Variants in DCAF12 observed in about 807,000 individuals in gnomAD.
DCAF12 encodes DDB1 and CUL4 associated factor 12, also known as DDB1- and CUL4-associated factor 12.
DCAF12 carries 28 observed loss-of-function variants against 52.8 expected under a neutral mutation model. The ratio of observed to expected loss-of-function variants is 0.53; its 90% CI spans 0.39 to 0.73. The LOEUF is 0.73. Ranked by LOEUF, DCAF12 falls within the 30% of genes least tolerant of loss-of-function variation. The probability of loss-of-function intolerance (pLI) is 0.00; values close to 1 mark genes in which losing one functional copy is unlikely to be tolerated. For synonymous variants in DCAF12, 196 were observed against 215.5 expected, an observed-to-expected ratio of 0.91 and a Z score of 0.79; for missense variants, 425 against 552.2, an observed-to-expected ratio of 0.77 and a Z score of 2.31.
chr9:34,096,763 G>A lies in DCAF12; in HGVS notation c.814C>T (p.Leu272=). The A allele has an allele frequency of 6.2e-7, 1 of 1,614,016 alleles. No homozygotes were observed. Among genetic ancestry groups the A allele is most frequent in the Non-Finnish European group, 8.5e-7 (1 of 1,179,986 alleles). The change falls in exon 6 of 9, where the codon CTG becomes TTG. Residue 272 remains leucine (L), a synonymous_variant. Transcript: ENST00000361264. ...TTCCAGAGATGAAAGTAGCCATCCA[G>A]AGACACTGCTCCCAGTTCCTACAAG... The part of the protein sequence containing the change: ...NKNKELGAVS[L]DGYFHLWKAE...
At chr9:34,126,294 C>A in intron 1 of DCAF12, 60 bp downstream of exon 1, 2 of 1,592,124 alleles carry the variant, frequency 1.3e-6, no homozygotes, top group Non-Finnish European at 1.7e-6. Flanking sequence ...GATCTGCGGA[C>A]CCTAAGCCCA....
intron 4 of DCAF12, among the ~76,000 whole-genome samples, chr9:34,102,065 G>A (rs149489909): frequency 1.0e-3 from 158 of 151,338 alleles, no homozygotes; most frequent in African/African-American, 2.7e-3. Flanking sequence ...GGGTACAGTG[G>A]TATATGCCTT....
At chr9:34,094,826 G>A (rs757465556) in intron 6 of DCAF12, among the ~76,000 whole-genome samples, 7 of 152,070 alleles carry the variant, frequency 4.6e-5, no homozygotes, top group South Asian at 4.2e-4. Context: ...CACCGCACCC[G>A]GCCCCGATTT....
intron 7 of DCAF12, among the ~76,000 whole-genome samples, chr9:34,090,937 C>A (rs1418261953): frequency 4.6e-5 from 7 of 152,096 alleles, no homozygotes; most frequent in Admixed American, 4.6e-4. Flanking sequence ...GGATTACAGG[C>A]ATCAGCCACC....
chr9:34,117,427 G>T (rs970921136), intron 2 of DCAF12, among the ~76,000 whole-genome samples: 10 of 151,856 alleles, frequency 6.6e-5, no homozygotes, highest in African/African-American at 2.2e-4. Context: ...TGGCATTACA[G>T]GTGTGAGCCA....
chr9:34,105,409 G>A (rs1689994655), intron 4 of DCAF12, among the ~76,000 whole-genome samples: 1 of 151,116 alleles, frequency 6.6e-6, no homozygotes, highest in Non-Finnish European at 1.5e-5. Context: ...CTGGGTGACA[G>A]AGCAAGACCC....
Position 34,106,318 on chromosome 9 carries a change from T to C in DCAF12, c.601+116A>G, listed in dbSNP as rs1045697780. The C allele has an allele frequency of 7.6e-6, 6 of 791,002 alleles. 1 individual carries two copies. Among genetic ancestry groups the C allele is most frequent in the South Asian group, 7.0e-5 (4 of 56,952 alleles). 49.0% of individuals were successfully genotyped at this position (791,002 alleles called of 1,614,324 possible). A position where few individuals can be genotyped will look rare whatever the true frequency, so the allele number is the denominator to read the frequency against. On this transcript the variant is annotated intron_variant, in intron 4 of 8. Coordinates refer to ENST00000361264, the MANE Select transcript of DCAF12 (RefSeq NM_015397.4). ...TCAGCCTCCCAAAGTGCTGGGATTA[T>C]AGGCGTGAGTCACTGAGCCCGGCTG... is the stretch of plus-strand genomic sequence containing the variant.
rs987352605 is a variant in DCAF12, at chr9:34,099,881, T to G, written c.602-1364A>C. The stretch of plus-strand genomic sequence containing the variant: ...TGCTGGGATTACAGGCATAAGCCAG[T>G]GCACCTGGCCAAAGCTTAGTAATTT... On this transcript the variant is annotated intron_variant, in intron 4 of 8. Coordinates refer to ENST00000361264, the MANE Select transcript of DCAF12 (RefSeq NM_015397.4). Among the ~76,000 whole-genome samples, 10 of 152,152 alleles carry G rather than the reference T, an allele frequency of 6.6e-5. No individual in the cohort carries two copies. In the Middle Eastern group the frequency reaches 0.01, roughly 155 times the overall value.
chr9:34,100,580 C>T (rs1828813515), intron 4 of DCAF12, among the ~76,000 whole-genome samples: 1 of 151,082 alleles, frequency 6.6e-6, no homozygotes, highest in African/African-American at 2.4e-5. Flanking sequence ...TCCCAACCTC[C>T]ACCTCCTGAG....
intron 7 of DCAF12, 55 bp from the exon 8 acceptor site, chr9:34,089,645 T>G (rs748903747): frequency 6.6e-7 from 1 of 1,509,962 alleles, no homozygotes; most frequent in Non-Finnish European, 8.9e-7. Context: ...TTGCTGACTG[T>G]CTGCTAGCCT....
Position 34,120,059 on chromosome 9 carries a change from C to T in DCAF12, c.333+4964G>A, listed in dbSNP as rs558352932. 1.1e-4 allele frequency among the ~76,000 whole-genome samples: 17 copies of T among 151,450 alleles called. No individual in the cohort carries two copies. The East Asian group carries it at 2.3e-3, about 21-fold the overall frequency. ...TCTACTAAAAAACAAAAAAATTAGC[C>T]GGGCTTGGTGGTGGGCGCCTATAAT... On this transcript the variant is annotated intron_variant, in intron 2 of 8. Coordinates refer to ENST00000361264, the MANE Select transcript of DCAF12 (RefSeq NM_015397.4).
chr9:34,110,819 C>G (rs185064139), intron 2 of DCAF12, among the ~76,000 whole-genome samples: 2 of 138,674 alleles, frequency 1.4e-5, no homozygotes, highest in East Asian at 4.0e-4. Context: ...AACCAAGAGT[C>G]TCCTCAGTCC....
At chr9:34,101,758 T>C (rs1828833111) in intron 4 of DCAF12, among the ~76,000 whole-genome samples, 2 of 152,022 alleles carry the variant, frequency 1.3e-5, no homozygotes, top group East Asian at 3.9e-4. Flanking sequence ...CTCACACCTG[T>C]AATCCCAGCA....
chr9:34,109,520 C>G (rs1472764215), intron 2 of DCAF12: 1 of 153,838 alleles, frequency 6.5e-6, no homozygotes, highest in Non-Finnish European at 1.5e-5. Context: ...TATCCACCTC[C>G]TCCGTGCACG....
intron 4 of DCAF12, among the ~76,000 whole-genome samples, chr9:34,102,577 C>T (rs1828845874): frequency 6.6e-6 from 1 of 151,642 alleles, no homozygotes; most frequent in Non-Finnish European, 1.5e-5. Flanking sequence ...TGCTTGAACC[C>T]AGGAGACGGA....
intron 1 of DCAF12, 26 bp downstream of exon 1, chr9:34,126,328 C>T (rs754618279): frequency 6.2e-7 from 1 of 1,611,206 alleles, no homozygotes; most frequent in South Asian, 1.1e-5. Context: ...GCCTCACCAC[C>T]CAGGTGCCGG....
Position 34,093,492 on chromosome 9 carries a change from G to A in DCAF12, c.862-44C>T, listed in dbSNP as rs753046982. The A allele has an allele frequency of 1.0e-5, 16 of 1,601,944 alleles. No homozygotes were observed. The East Asian group carries it at 3.4e-4, about 34-fold the overall frequency. On this transcript the variant is annotated intron_variant, in intron 6 of 8. Transcript: ENST00000361264. ...TATAACCATGGCATCAGCAGAGAGG[G>A]TAAGGCAGGGATATTGTTTCTGGAC...
At chr9:34,099,532 C>T (rs1012834284) in intron 4 of DCAF12, among the ~76,000 whole-genome samples, 4 of 151,564 alleles carry the variant, frequency 2.6e-5, no homozygotes, top group Non-Finnish European at 4.4e-5. Flanking sequence ...GCGCCTTACT[C>T]GAAATTCTTT....
chr9:34,108,874 T>G (rs772967025), intron 2 of DCAF12, among the ~76,000 whole-genome samples: 22 of 149,320 alleles, frequency 1.5e-4, no homozygotes, highest in Admixed American at 7.4e-4. Flanking sequence ...TCCCAACTAC[T>G]TAGCTACTCA....
Sources: gnomAD v4.1 joint callset for allele counts (sites outside exome capture counted in the v4.1 genomes callset) on GRCh38, gnomAD v4.1.1 for gene constraint, MANE v1.5 for transcripts, NCBI Gene and HGNC (gene_info 2026-07-23, HGNC 2026-07-21) for gene names.